The following CSMD1 variants were observed in gnomAD, a reference collection of about 807,000 sequenced individuals.
The protein encoded by CSMD1 is CUB and sushi domain-containing protein 1.
In CSMD1, 213 loss-of-function variants were observed where a neutral mutation model predicts 417.5. That is an observed-to-expected ratio of 0.51 (90% CI 0.46 to 0.57). The LOEUF is 0.57. CSMD1 is among the 20% of genes least tolerant of loss of function. CSMD1 has a pLI of 0.00. For missense variants in CSMD1, 6,923 were observed against 4,529.7 expected (o/e 1.53, Z -15.17); for synonymous variants, 2,862 against 1,736.8 (o/e 1.65, Z -16.11).
intron 9 of CSMD1, among the ~76,000 whole-genome samples, chr8:3,575,912 A>G (rs927065196): frequency 2.6e-5 from 4 of 151,978 alleles, no homozygotes; most frequent in African/African-American, 9.7e-5. Context: ...TGGTTTTAAC[A>G]TTCATAATTT....
At chr8:4,732,032 C>A (rs1219967761) in intron 1 of CSMD1, among the ~76,000 whole-genome samples, 1 of 152,136 alleles carries the variant, frequency 6.6e-6, no homozygotes, top group Admixed American at 6.5e-5. Context: ...GTGTTGACTG[C>A]ATGCCTCCCC....
At chr8:3,385,256 C>G (rs1169594231) in intron 18 of CSMD1, among the ~76,000 whole-genome samples, 1 of 147,902 alleles carries the variant, frequency 6.8e-6, no homozygotes, top group Non-Finnish European at 1.5e-5. Context: ...TGTATGTATA[C>G]ATGTGTATGT....
intron 26 of CSMD1, among the ~76,000 whole-genome samples, chr8:3,261,511 AAAAAT>A (rs1359774728): frequency 1.3e-5 from 2 of 152,320 alleles, no homozygotes; most frequent in Admixed American, 6.5e-5. Flanking sequence ...AAACTTACAG[AAAAAT>A]AAAATAATTT....
chr8:4,400,414 G>A (rs959788227), intron 3 of CSMD1, among the ~76,000 whole-genome samples: 1 of 152,214 alleles, frequency 6.6e-6, no homozygotes, highest in African/African-American at 2.4e-5. Context: ...AGGAGCATAT[G>A]TTTGTACATG....
At chr8:4,070,459 A>G (rs189044393) in intron 3 of CSMD1, among the ~76,000 whole-genome samples, 2,155 of 152,124 alleles carry the variant, frequency 0.014, 145 homozygotes, top group Admixed American at 0.11. Flanking sequence ...CCGGGTTCAC[A>G]CCATTCTCCC....
intron 1 of CSMD1, among the ~76,000 whole-genome samples, chr8:4,937,014 C>G (rs1464103659): frequency 6.6e-6 from 1 of 152,068 alleles, no homozygotes; most frequent in African/African-American, 2.4e-5. Flanking sequence ...AATTGGAGAC[C>G]AGCCTGGCCA....
intron 1 of CSMD1, among the ~76,000 whole-genome samples, chr8:4,846,081 C>G (rs558527524): frequency 6.6e-6 from 1 of 152,182 alleles, no homozygotes; most frequent in Non-Finnish European, 1.5e-5. Flanking sequence ...CGTCCCAAAT[C>G]AAACAGTTGC....
At position 3,256,010 on chromosome 8, in the gene CSMD1, C is replaced by T. The variant is rs141795845; in HGVS notation, c.4154-25779G>A. Among the ~76,000 whole-genome samples, 1,031 of 152,188 alleles carry T rather than the reference C, an allele frequency of 6.8e-3. 21 individuals carry two copies. The highest frequency in any genetic ancestry group is 0.023 in the African/African-American group (966 of 41,528). The stretch of plus-strand genomic sequence containing the variant: ...GTTCCTATTCGGCCATCTTGGCTCC[C>T]ATCCAAGTACACATTTTTATAGAAG... On this transcript the variant is annotated intron_variant, in intron 26 of 69. Transcript: ENST00000635120.
intron 1 of CSMD1, among the ~76,000 whole-genome samples, chr8:4,688,447 G>A (rs1410284574): frequency 6.6e-6 from 1 of 152,046 alleles, no homozygotes; most frequent in Non-Finnish European, 1.5e-5. Context: ...CATCTCCCCG[G>A]GTCCCTGCTG....
chr8:4,405,295 T>A, intron 3 of CSMD1, among the ~76,000 whole-genome samples: 1 of 152,214 alleles, frequency 6.6e-6, no homozygotes, highest in East Asian at 1.9e-4. Flanking sequence ...CATAGCATAT[T>A]GAAATAACTT....
intron 4 of CSMD1, among the ~76,000 whole-genome samples, chr8:4,014,292 C>A (rs534195174): frequency 6.6e-6 from 1 of 152,124 alleles, no homozygotes; most frequent in Non-Finnish European, 1.5e-5. Context: ...TATGGCATTG[C>A]GTGTCGAAGT....
At chr8:4,591,734 A>C (rs1799992138) in intron 2 of CSMD1, among the ~76,000 whole-genome samples, 1 of 152,190 alleles carries the variant, frequency 6.6e-6, no homozygotes, top group African/African-American at 2.4e-5. Context: ...GTTTTAAAGC[A>C]GTGAAGTGAG....
intron 54 of CSMD1, among the ~76,000 whole-genome samples, chr8:2,983,596 G>A (rs1029314089): frequency 1.3e-5 from 2 of 152,178 alleles, no homozygotes; most frequent in African/African-American, 4.8e-5. Flanking sequence ...GAGCAGAACC[G>A]TGGACTTTCA....
At chr8:4,183,533 TG>T (rs1798495434) in intron 3 of CSMD1, among the ~76,000 whole-genome samples, 1 of 152,196 alleles carries the variant, frequency 6.6e-6, no homozygotes, top group Non-Finnish European at 1.5e-5. Flanking sequence ...CTGGTTTATT[TG>T]TAATATGATA....
At chr8:4,070,901 T>C (rs1052153948) in intron 3 of CSMD1, among the ~76,000 whole-genome samples, 2 of 152,348 alleles carry the variant, frequency 1.3e-5, no homozygotes, top group Admixed American at 6.5e-5. Flanking sequence ...TTTTTGCTTT[T>C]AGCACTTTAA....
chr8:3,745,007 T>A (rs1024365424), intron 6 of CSMD1, among the ~76,000 whole-genome samples: 1 of 152,170 alleles, frequency 6.6e-6, no homozygotes, highest in Non-Finnish European at 1.5e-5. Flanking sequence ...TGGGAGGCTC[T>A]TAGGATTCTC....
At chr8:3,682,521 T>A (rs10093342) in intron 7 of CSMD1, among the ~76,000 whole-genome samples, 21,798 of 152,088 alleles carry the variant, frequency 0.14, 1,758 homozygotes, top group South Asian at 0.21. Context: ...GGAATGGCGA[T>A]CATTAAAAAG....
intron 1 of CSMD1, among the ~76,000 whole-genome samples, chr8:4,652,658 A>G (rs917490111): frequency 1.3e-5 from 2 of 150,468 alleles, no homozygotes; most frequent in Admixed American, 6.6e-5. Flanking sequence ...CTCAAAATTT[A>G]AAAAAAAAGA....
intron 2 of CSMD1, among the ~76,000 whole-genome samples, chr8:4,520,678 T>C (rs1803397450): frequency 6.6e-6 from 1 of 152,238 alleles, no homozygotes; most frequent in African/African-American, 2.4e-5. Context: ...AGACTTGTTC[T>C]GAAAGTCTTG....
Sources: gnomAD v4.1 joint callset for allele counts (sites outside exome capture counted in the v4.1 genomes callset) on GRCh38, gnomAD v4.1.1 for gene constraint, MANE v1.5 for transcripts, NCBI Gene and HGNC (gene_info 2026-07-23, HGNC 2026-07-21) for gene names.